The following SH3PXD2B variants were observed in gnomAD, a reference collection of about 807,000 sequenced individuals.
SH3PXD2B encodes the protein SH3 and PX domain-containing protein 2B.
Under a neutral mutation model 73.1 loss-of-function variants are expected in SH3PXD2B, and 37 were observed. The observed-to-expected ratio is 0.51, with a 90% CI of 0.39 to 0.67. The LOEUF (loss-of-function observed/expected upper bound fraction) is 0.67. SH3PXD2B is among the 30% of genes least tolerant of loss of function. The probability of loss-of-function intolerance (pLI) is 0.00; values close to 1 mark genes in which losing one functional copy is unlikely to be tolerated. For synonymous variants in SH3PXD2B, 457 were observed against 480.5 expected (o/e 0.95, Z 0.64); for missense variants, 1,053 against 1,197.8 (o/e 0.88, Z 1.78).
At chr5:172,435,978 C>T (rs562519796) in intron 1 of SH3PXD2B, among the ~76,000 whole-genome samples, 43 of 152,232 alleles carry the variant, frequency 2.8e-4, no homozygotes, top group Non-Finnish European at 4.9e-4. Context: ...TGGGCGCTAC[C>T]TACTTGGCAT....
At chr5:172,347,529 C>T (rs1337437635) in intron 10 of SH3PXD2B, among the ~76,000 whole-genome samples, 197 bp from the exon 11 acceptor site, 3 of 152,148 alleles carry the variant, frequency 2.0e-5, no homozygotes, top group East Asian at 1.9e-4. Flanking sequence ...ACTCTCTCGA[C>T]GTAGCTTTTC....
At chr5:172,422,572 A>G in intron 1 of SH3PXD2B, 76 bp from the exon 2 acceptor site, 1 of 1,380,920 alleles carries the variant, frequency 7.2e-7, no homozygotes, top group Non-Finnish European at 1.0e-6. Context: ...GGGGGAGCAC[A>G]AGACTCAGAG....
At chr5:172,416,045 C>T (rs1297287225) in intron 2 of SH3PXD2B, among the ~76,000 whole-genome samples, 1 of 152,126 alleles carries the variant, frequency 6.6e-6, no homozygotes, top group Admixed American at 6.6e-5. Context: ...GGGGAACTTC[C>T]AGCCGGGCGC....
At chr5:172,449,282 G>T (rs1175665063) in intron 1 of SH3PXD2B, among the ~76,000 whole-genome samples, 3 of 152,184 alleles carry the variant, frequency 2.0e-5, no homozygotes, top group Non-Finnish European at 2.9e-5. Flanking sequence ...TCTCATATAA[G>T]GGGAAACCGG....
At chr5:172,410,844 A>G (rs761373069) in intron 2 of SH3PXD2B, among the ~76,000 whole-genome samples, 3 of 152,236 alleles carry the variant, frequency 2.0e-5, no homozygotes, top group Non-Finnish European at 2.9e-5. Context: ...TAAATGTTAC[A>G]TTCCCCTTGT....
At position 172,429,755 on chromosome 5, in the gene SH3PXD2B, C is replaced by T. The variant is rs773816074; in HGVS notation, c.76-7259G>A. Among the ~76,000 whole-genome samples, 10 of 152,264 alleles carry T rather than the reference C, an allele frequency of 6.6e-5. No homozygotes were observed. In the South Asian group the frequency reaches 1.2e-3, roughly 19 times the overall value. Reference sequence around the variant, plus strand: ...CTTCCCATGTTTTCCCAGCAAAGGACGGAGGCTCAGAAGTACAGTGCCTAC... The same window carrying T: ...CTTCCCATGTTTTCCCAGCAAAGGATGGAGGCTCAGAAGTACAGTGCCTAC... On this transcript the variant is annotated intron_variant, in intron 1 of 12. Coordinates refer to ENST00000311601, the MANE Select transcript of SH3PXD2B (RefSeq NM_001017995.3).
At chr5:172,384,249 G>GAGATGA (rs1758010248) in intron 4 of SH3PXD2B, among the ~76,000 whole-genome samples, 1 of 152,160 alleles carries the variant, frequency 6.6e-6, no homozygotes, top group South Asian at 2.1e-4. Flanking sequence ...GACCAACGGA[G>GAGATGA]AGATGAATGG....
intron 4 of SH3PXD2B, among the ~76,000 whole-genome samples, chr5:172,388,967 T>C (rs963860526): frequency 4.6e-5 from 7 of 152,216 alleles, no homozygotes; most frequent in Admixed American, 2.6e-4. Flanking sequence ...TCCTTTGTCA[T>C]CAGGTACTTA....
At position 172,427,962 on chromosome 5, in the gene SH3PXD2B, G is replaced by A. The variant is rs113706212; in HGVS notation, c.76-5466C>T. On this transcript the variant is annotated intron_variant, in intron 1 of 12. Coordinates refer to ENST00000311601, the MANE Select transcript of SH3PXD2B (RefSeq NM_001017995.3). Reference sequence around the variant, plus strand: ...CGGCTAATTTTTTGTATTTTTAGTAGAGACGGGGTTTCACTATCTTGGCCA... The same window carrying A: ...CGGCTAATTTTTTGTATTTTTAGTAAAGACGGGGTTTCACTATCTTGGCCA... 2.0e-3 allele frequency among the ~76,000 whole-genome samples: 299 copies of A among 152,022 alleles called. 1 individual carries two copies. Among genetic ancestry groups the A allele is most frequent in the African/African-American group, 6.9e-3 (284 of 41,438 alleles).
chr5:172,357,862 T>G (rs1283311900), intron 8 of SH3PXD2B, among the ~76,000 whole-genome samples: 1 of 152,220 alleles, frequency 6.6e-6, no homozygotes, highest in African/African-American at 2.4e-5. Flanking sequence ...TCCTCTTTTC[T>G]AATAAAGATA....
At chr5:172,368,959 A>G (rs1204117501) in intron 6 of SH3PXD2B, among the ~76,000 whole-genome samples, 4 of 147,912 alleles carry the variant, frequency 2.7e-5, no homozygotes, top group Non-Finnish European at 5.9e-5. Context: ...CAATGGTGCA[A>G]TCTCGGTTCA....
At chr5:172,348,597 T>C (rs1396072098) in intron 10 of SH3PXD2B, among the ~76,000 whole-genome samples, 2 of 148,184 alleles carry the variant, frequency 1.3e-5, no homozygotes, top group Admixed American at 6.7e-5. Context: ...TAGGGGGGTG[T>C]CTTTGTTTTA....
At chr5:172,378,432 T>G (rs1334442184) in intron 5 of SH3PXD2B, among the ~76,000 whole-genome samples, 2 of 152,222 alleles carry the variant, frequency 1.3e-5, no homozygotes, top group African/African-American at 2.4e-5. Context: ...AAAGCTTTTG[T>G]TGGAATCTCT....
intron 1 of SH3PXD2B, among the ~76,000 whole-genome samples, chr5:172,442,617 T>C (rs1278699474): frequency 6.6e-6 from 1 of 152,244 alleles, no homozygotes; most frequent in African/African-American, 2.4e-5. Flanking sequence ...AATTAGAGTC[T>C]GTTTCTTAAT....
At chr5:172,453,997 C>T (rs1433663538) in intron 1 of SH3PXD2B, among the ~76,000 whole-genome samples, 1 of 150,134 alleles carries the variant, frequency 6.7e-6, no homozygotes, top group Non-Finnish European at 1.5e-5. Context: ...TGGGGGGACA[C>T]GGAGAAGACA....
chr5:172,352,998 C>T (rs968265539), intron 9 of SH3PXD2B, among the ~76,000 whole-genome samples: 3 of 152,150 alleles, frequency 2.0e-5, no homozygotes, highest in African/African-American at 7.2e-5. Context: ...CCAAAGTCCC[C>T]ATGCATCCCT....
chr5:172,416,331 CTT>C (rs200998117), intron 2 of SH3PXD2B, among the ~76,000 whole-genome samples: 4 of 143,284 alleles, frequency 2.8e-5, no homozygotes, highest in Non-Finnish European at 1.5e-5. Flanking sequence ...CCTGTCTCTA[CTT>C]TTTTTTTTTT....
intron 2 of SH3PXD2B, among the ~76,000 whole-genome samples, chr5:172,407,206 C>T (rs1758580588): frequency 6.6e-6 from 1 of 152,210 alleles, no homozygotes; most frequent in Admixed American, 6.5e-5. Context: ...GTCATTAACG[C>T]TGTTGTCAAA....
chr5:172,330,333 GAA>G (rs1198489624), downstream of SH3PXD2B, among the ~76,000 whole-genome samples: 10 of 152,218 alleles, frequency 6.6e-5, no homozygotes, highest in African/African-American at 2.2e-4. Flanking sequence ...GTTACAAACA[GAA>G]TTTGGGTGAA....
Sources: gnomAD v4.1 joint callset for allele counts (sites outside exome capture counted in the v4.1 genomes callset) on GRCh38, gnomAD v4.1.1 for gene constraint, MANE v1.5 for transcripts, NCBI Gene and HGNC (gene_info 2026-07-23, HGNC 2026-07-21) for gene names.